The following TENM4 variants were observed in gnomAD, a reference collection of about 807,000 sequenced individuals.
The protein encoded by TENM4 is teneurin transmembrane protein 4.
TENM4 carries 82 observed loss-of-function variants against 243.3 expected under a neutral mutation model. The observed-to-expected ratio is 0.34, with a 90% CI of 0.28 to 0.40. The LOEUF (loss-of-function observed/expected upper bound fraction) is 0.40, where lower values mean the gene tolerates loss of function less well. Among genes scored for constraint, TENM4 ranks in the 10% least tolerant of loss-of-function variants. The probability of loss-of-function intolerance (pLI) is 1.00; values close to 1 mark genes in which losing one functional copy is unlikely to be tolerated. For synonymous variants in TENM4, 1,412 were observed against 1,456.3 expected, an observed-to-expected ratio of 0.97 and a Z score of 0.69; for missense variants, 3,138 against 3,673.3, an observed-to-expected ratio of 0.85 and a Z score of 3.77.
rs538299755 is a variant in TENM4, at chr11:78,806,823, G to A, written c.1979-1331C>T. 2.0e-5 allele frequency among the ~76,000 whole-genome samples: 3 copies of A among 152,292 alleles called. No homozygotes were observed. The East Asian group carries it at 5.8e-4, about 29-fold the overall frequency. On this transcript the variant is annotated intron_variant, in intron 14 of 33. Transcript: ENST00000278550. ...AGAACTCTTTTTATCTTGCAAAACT[G>A]AAACTCTGCACCCATTAAACAATTT...
At chr11:79,433,229 G>T (rs1409523413) in intron 1 of TENM4, among the ~76,000 whole-genome samples, 1 of 152,164 alleles carries the variant, frequency 6.6e-6, no homozygotes, top group African/African-American at 2.4e-5. Flanking sequence ...AATGGACCAG[G>T]AGCATGGCAG....
At chr11:79,082,523 GT>G (rs1448217137) in intron 4 of TENM4, among the ~76,000 whole-genome samples, 4 of 151,852 alleles carry the variant, frequency 2.6e-5, no homozygotes, top group African/African-American at 9.7e-5. Context: ...GGTGTGGGGT[GT>G]CACATTTAAT....
intron 4 of TENM4, among the ~76,000 whole-genome samples, chr11:79,087,350 G>A (rs552889548): frequency 6.6e-6 from 1 of 152,268 alleles, no homozygotes; most frequent in Non-Finnish European, 1.5e-5. Flanking sequence ...CAGTTAGAAG[G>A]GAATGTCGTT....
At chr11:78,676,429 G>A (rs1388733210) in intron 29 of TENM4, 42 bp from the exon 30 acceptor site, 1 of 1,511,288 alleles carries the variant, frequency 6.6e-7, no homozygotes, top group African/African-American at 1.4e-5. Context: ...AAGGAACGAA[G>A]GTGGAGGGAG....
At chr11:78,956,032 A>G (rs964643521) in intron 6 of TENM4, among the ~76,000 whole-genome samples, 2 of 151,146 alleles carry the variant, frequency 1.3e-5, no homozygotes, top group Non-Finnish European at 2.9e-5. Context: ...CATCTCTGTG[A>G]CTCTCCACAG....
At chr11:79,341,238 C>T (rs539061984) in intron 1 of TENM4, among the ~76,000 whole-genome samples, 50 of 152,326 alleles carry the variant, frequency 3.3e-4, no homozygotes, top group African/African-American at 1.1e-3. Flanking sequence ...AGGAGGCACT[C>T]AGTTTGTGGG....
At chr11:79,230,913 A>C (rs1226924930) in intron 2 of TENM4, among the ~76,000 whole-genome samples, 1 of 152,164 alleles carries the variant, frequency 6.6e-6, no homozygotes, top group Non-Finnish European at 1.5e-5. Context: ...TGGCTGCCTA[A>C]CAAGAGCCCT....
At chr11:78,835,955 A>G (rs1408359464) in intron 12 of TENM4, among the ~76,000 whole-genome samples, 1 of 152,242 alleles carries the variant, frequency 6.6e-6, no homozygotes, top group African/African-American at 2.4e-5. Flanking sequence ...AAAGAAACAC[A>G]TACCGAATAA....
At chr11:78,923,252 A>C (rs1208548399) in intron 6 of TENM4, among the ~76,000 whole-genome samples, 2 of 152,088 alleles carry the variant, frequency 1.3e-5, no homozygotes, top group Non-Finnish European at 2.9e-5. Flanking sequence ...TTTTGAACCA[A>C]GGGCCCTGTA....
At chr11:78,884,395 G>C (rs507151) in intron 9 of TENM4, among the ~76,000 whole-genome samples, 2 of 152,192 alleles carry the variant, frequency 1.3e-5, no homozygotes, top group East Asian at 3.9e-4. Flanking sequence ...AGTTTACACC[G>C]TCAGCAAGTG....
chr11:79,137,875 T>A lies in TENM4; in HGVS notation c.-66+10835A>T, dbSNP rs552383065. 5.3e-5 allele frequency among the ~76,000 whole-genome samples: 8 copies of A among 152,200 alleles called. No homozygotes were observed. In the South Asian group the frequency reaches 1.7e-3, roughly 32 times the overall value. On this transcript the variant is annotated intron_variant, in intron 4 of 33. Transcript: ENST00000278550. ...TTATTGTCTTTATTTGAAGATTATG[T>A]ATGATCTCAAGAGATGTGCATGGGT...
intron 1 of TENM4, among the ~76,000 whole-genome samples, chr11:79,437,833 C>T (rs929655604): frequency 3.3e-5 from 5 of 152,210 alleles, no homozygotes; most frequent in South Asian, 2.1e-4. Context: ...CCTCCTTCTT[C>T]CTGGATTCCC....
intron 1 of TENM4, among the ~76,000 whole-genome samples, chr11:79,308,742 G>C (rs11820416): frequency 0.2 from 30,431 of 152,056 alleles, 3,273 homozygotes; most frequent in African/African-American, 0.23. Context: ...TGCCTCCCAG[G>C]CCATGCCACC....
chr11:79,190,784 C>G (rs1480800279), intron 3 of TENM4, among the ~76,000 whole-genome samples: 1 of 138,196 alleles, frequency 7.2e-6, no homozygotes, highest in African/African-American at 2.8e-5. Context: ...CTCCCTCTCC[C>G]GTCTCCCTCT....
chr11:78,912,258 AC>A (rs1159981075), intron 6 of TENM4, among the ~76,000 whole-genome samples: 1 of 152,086 alleles, frequency 6.6e-6, no homozygotes, highest in Non-Finnish European at 1.5e-5. Context: ...AAGAGGGCTC[AC>A]CCCGACTTCC....
intron 4 of TENM4, among the ~76,000 whole-genome samples, chr11:79,127,581 G>A (rs143205664): frequency 0.023 from 3,501 of 152,266 alleles, 56 homozygotes; most frequent in Non-Finnish European, 0.035. Flanking sequence ...CCAGCAATAT[G>A]CTTTTACTGT....
intron 6 of TENM4, among the ~76,000 whole-genome samples, chr11:78,984,770 A>G (rs1857881484): frequency 6.6e-6 from 1 of 152,164 alleles, no homozygotes; most frequent in Admixed American, 6.5e-5. Flanking sequence ...CCAATATGGT[A>G]GCGATTTTAA....
At chr11:78,761,311 C>T (rs950348076) in intron 18 of TENM4, among the ~76,000 whole-genome samples, 1 of 151,718 alleles carries the variant, frequency 6.6e-6, no homozygotes, top group African/African-American at 2.4e-5. Context: ...GTGATCTCGG[C>T]TCACTGCAAG....
intron 4 of TENM4, among the ~76,000 whole-genome samples, chr11:79,110,699 G>T (rs1244854783): frequency 6.6e-6 from 1 of 152,170 alleles, no homozygotes; most frequent in Non-Finnish European, 1.5e-5. Context: ...TCAAAAAAGA[G>T]GTCAGTTTGT....
Sources: gnomAD v4.1 joint callset for allele counts (sites outside exome capture counted in the v4.1 genomes callset) on GRCh38, gnomAD v4.1.1 for gene constraint, MANE v1.5 for transcripts, NCBI Gene and HGNC (gene_info 2026-07-23, HGNC 2026-07-21) for gene names.